ANXA1: variants seen among roughly 807,000 people sequenced by gnomAD.
ANXA1 encodes the protein annexin I (lipocortin I).
In ANXA1, 39 loss-of-function variants were observed where a neutral mutation model predicts 47.9. The ratio of observed to expected loss-of-function variants is 0.81; its 90% CI spans 0.63 to 1.06. ANXA1 has a LOEUF of 1.06. Among genes scored for constraint, ANXA1 ranks in the 50% least tolerant of loss-of-function variants. The probability of loss-of-function intolerance (pLI) is 0.00; values close to 1 mark genes in which losing one functional copy is unlikely to be tolerated. For synonymous variants in ANXA1, 146 were observed against 142.5 expected (o/e 1.02, Z -0.17); for missense variants, 446 against 422.7 (o/e 1.06, Z -0.48).
intron 6 of ANXA1, among the ~76,000 whole-genome samples, chr9:73,162,276 T>C (rs985773196): frequency 6.6e-6 from 1 of 152,208 alleles, no homozygotes; most frequent in African/African-American, 2.4e-5. Context: ...TAAATTCAAT[T>C]ATTTTTTCCT....
At chr9:73,158,864 T>C in intron 3 of ANXA1, 61 bp downstream of exon 3, 1 of 1,346,636 alleles carries the variant, frequency 7.4e-7, no homozygotes, top group Non-Finnish European at 1.1e-6. Flanking sequence ...TTTGAATGAC[T>C]GTCAAAAAAC....
chr9:73,167,453 T>C (rs770628167), intron 10 of ANXA1, 44 bp from the exon 11 acceptor site: 1 of 1,573,174 alleles, frequency 6.4e-7, no homozygotes, highest in Non-Finnish European at 8.7e-7. Context: ...ATATTTCATT[T>C]TTTTCATGGT....
intron 10 of ANXA1, among the ~76,000 whole-genome samples, chr9:73,166,559 G>A (rs145898123): frequency 6.6e-6 from 1 of 152,210 alleles, no homozygotes; most frequent in African/African-American, 2.4e-5. Context: ...CTGGTCTACT[G>A]CTTGTTAATT....
chr9:73,162,749 T>C (rs1824164003), intron 6 of ANXA1, 33 bp from the exon 7 acceptor site: 1 of 1,516,730 alleles, frequency 6.6e-7, no homozygotes, highest in African/African-American at 1.4e-5. Context: ...TCATCACTGG[T>C]TTACTATAAA....
At chr9:73,162,530 T>C (rs1007328826) in intron 6 of ANXA1, among the ~76,000 whole-genome samples, 4 of 152,228 alleles carry the variant, frequency 2.6e-5, no homozygotes, top group Non-Finnish European at 5.9e-5. Context: ...GAAAGCTTTA[T>C]GACTGTGAGT....
At chr9:73,152,311 T>G (rs569991812) in intron 1 of ANXA1, among the ~76,000 whole-genome samples, 2 of 152,174 alleles carry the variant, frequency 1.3e-5, no homozygotes, top group South Asian at 4.2e-4. Flanking sequence ...GAAATCGTGA[T>G]GGGGGCTGCT....
At chr9:73,158,866 T>C (rs1824093325) in intron 3 of ANXA1, 63 bp downstream of exon 3, 2 of 1,300,720 alleles carry the variant, frequency 1.5e-6, no homozygotes, top group Non-Finnish European at 2.2e-6. Flanking sequence ...TGAATGACTG[T>C]CAAAAAACAG....
chr9:73,166,451 G>A (rs902188640), intron 10 of ANXA1, among the ~76,000 whole-genome samples: 3 of 152,032 alleles, frequency 2.0e-5, no homozygotes, highest in African/African-American at 7.2e-5. Context: ...ATCAAACAAT[G>A]TACCAGGCTG....
At position 73,160,263 on chromosome 9, in the gene ANXA1, C is replaced by G. The variant is rs756050061; in HGVS notation, c.271C>G (p.Pro91Ala). ...KAAYLQETGK[P>A]LDETLKKALT... ...CTGATTCTAATCTTTTTTTTTGTAG[C>G]CCCTGGATGAAACACTGAAGAAAGC... is the stretch of plus-strand genomic sequence containing the variant. The change falls in exon 5 of 13, where the codon CCC becomes GCC. Residue 91 changes from proline to alanine, a missense_variant and splice_region_variant. Physicochemically the swap from Pro to Ala is conservative, Grantham distance 27 (BLOSUM62 -1). Transcript: ENST00000257497. 2 of 1,543,720 alleles carry G rather than the reference C, an allele frequency of 1.3e-6. No homozygotes were observed.
At chr9:73,156,620 T>G (rs1436994464) in intron 1 of ANXA1, among the ~76,000 whole-genome samples, 1 of 152,208 alleles carries the variant, frequency 6.6e-6, no homozygotes, top group African/African-American at 2.4e-5. Flanking sequence ...TCTTCATGCA[T>G]TCAGTGTTAT....
Position 73,162,879 on chromosome 9 carries a change from T to G in ANXA1, c.555+18T>G. 1 of 1,585,948 alleles carries G rather than the reference T, an allele frequency of 6.3e-7. No individual in the cohort carries two copies. On this transcript the variant is annotated intron_variant, in intron 7 of 12. Transcript: ENST00000257497. ...TTGCTAAGGTACAACTCAGATACTT[T>G]AGGAAATGCCTCTTGTTTTATAAAG...
At position 73,160,324 on chromosome 9, in the gene ANXA1, T is replaced by A; in HGVS notation, c.332T>A (p.Leu111Gln). ...CACCTTGAGGAGGTTGTTTTAGCTCTGCTAAAAACTCCAGCGCAATTTGAT... is the reference window on the plus strand; with the variant it reads ...CACCTTGAGGAGGTTGTTTTAGCTCAGCTAAAAACTCCAGCGCAATTTGAT... Reference protein sequence around the residue: ...TGHLEEVVLALLKTPAQFDAD... With the variant: ...TGHLEEVVLAQLKTPAQFDAD... The change falls in exon 5 of 13, where the codon CTG becomes CAG. Residue 111 changes from leucine to glutamine, a missense_variant. Coordinates refer to ENST00000257497, the MANE Select transcript of ANXA1 (RefSeq NM_000700.3). 6.3e-7 allele frequency: 1 copy of A among 1,588,884 alleles called. No homozygotes were observed. Among genetic ancestry groups the A allele is most frequent in the East Asian group, 2.3e-5 (1 of 43,412 alleles).
At chr9:73,162,886 T>C (rs1335985568) in intron 7 of ANXA1, 25 bp downstream of exon 7, 2 of 1,562,458 alleles carry the variant, frequency 1.3e-6, no homozygotes, top group East Asian at 2.2e-5. Flanking sequence ...CTTTAGGAAA[T>C]GCCTCTTGTT....
chr9:73,161,522 C>G (rs1386063768), intron 6 of ANXA1, among the ~76,000 whole-genome samples: 2 of 152,098 alleles, frequency 1.3e-5, no homozygotes, highest in African/African-American at 4.8e-5. Flanking sequence ...AATTGCAAGT[C>G]TCTTACCATT....
chr9:73,159,633 A>G (rs1824106028), intron 4 of ANXA1: 2 of 410,672 alleles, frequency 4.9e-6, no homozygotes, highest in South Asian at 3.2e-5. Context: ...CTTGGTGTAT[A>G]TTGTTTGCAG....
At chr9:73,160,421 A>G (rs1385765895) in intron 5 of ANXA1, 45 bp downstream of exon 5, 14 of 1,341,158 alleles carry the variant, frequency 1.0e-5, no homozygotes, top group Non-Finnish European at 1.3e-5. Flanking sequence ...AAGAGGATGT[A>G]TTGGGCAAGT....
At chr9:73,163,812 A>T (rs1824183692) in intron 8 of ANXA1, among the ~76,000 whole-genome samples, 2 of 152,132 alleles carry the variant, frequency 1.3e-5, no homozygotes, top group Admixed American at 6.6e-5. Flanking sequence ...GTTAAAAAAA[A>T]CTCTGACCTT....
At chr9:73,166,721 A>C (rs1464706241) in intron 10 of ANXA1, among the ~76,000 whole-genome samples, 2 of 152,132 alleles carry the variant, frequency 1.3e-5, no homozygotes, top group Non-Finnish European at 1.5e-5. Flanking sequence ...ATTCATGACT[A>C]TGCACTTGAA....
chr9:73,168,902 T>TGTGTGC, intron 11 of ANXA1, 130 bp from the exon 12 acceptor site: 1 of 688,742 alleles, frequency 1.5e-6, no homozygotes. Context: ...TGTGTGTGTG[T>TGTGTGC]GTGTGTGTGT....
Sources: allele counts gnomAD v4.1 joint callset (sites outside exome capture counted in the v4.1 genomes callset), GRCh38; gene constraint gnomAD v4.1.1; transcripts MANE v1.5; gene names NCBI Gene and HGNC (gene_info 2026-07-23, HGNC 2026-07-21).